Variants in PSMF1 observed in about 807,000 individuals in gnomAD.
PSMF1 encodes the protein proteasome inhibitor subunit 1, also known as proteasome inhibitor PI31 subunit.
PSMF1 carries 30 observed loss-of-function variants against 29.3 expected under a neutral mutation model. That is an observed-to-expected ratio of 1.02 (90% CI 0.77 to 1.39). The LOEUF is 1.39. Ranked by LOEUF, PSMF1 falls within the 40% of genes most tolerant of loss-of-function variation. PSMF1 has a pLI of 0.00. For missense variants in PSMF1, 344 were observed against 357.5 expected (o/e 0.96, Z 0.31); for synonymous variants, 134 against 139.7 (o/e 0.96, Z 0.29).
chr20:1,164,603 G>T lies in PSMF1; in HGVS notation c.764+127G>T. The T allele has an allele frequency of 1.5e-6, 2 of 1,294,700 alleles. No individual in the cohort carries two copies. The highest frequency in any genetic ancestry group is 1.4e-5 in the South Asian group (1 of 71,858). The allele number at this position is 1,294,700 out of a possible 1,614,324, so 80.2% of individuals were successfully genotyped here. A position where few individuals can be genotyped will look rare whatever the true frequency, so the allele number is the denominator to read the frequency against. On this transcript the variant is annotated intron_variant, in intron 6 of 6. Coordinates refer to ENST00000335877, the MANE Select transcript of PSMF1 (RefSeq NM_006814.5). This position sits in a 1 kb window ranked among gnomAD's most constrained non-coding sequence, Gnocchi z 4.1. ...GCCTTCACCTGTTGCTGCCAGGAGA[G>T]TGGAGCCTCCTCCAGGGCCCTGCCT...
chr20:1,125,422 G>A lies in PSMF1; in HGVS notation c.130-76G>A, dbSNP rs2086141424. 11 of 1,445,080 alleles carry A rather than the reference G, an allele frequency of 7.6e-6. No homozygotes were observed. The Admixed American group carries it at 2.7e-4, about 35-fold the overall frequency. The allele number at this position is 1,445,080 out of a possible 1,614,324, so 89.5% of individuals were successfully genotyped here. A position where few individuals can be genotyped will look rare whatever the true frequency, so the allele number is the denominator to read the frequency against. On this transcript the variant is annotated intron_variant, in intron 1 of 6. Coordinates refer to ENST00000335877, the MANE Select transcript of PSMF1 (RefSeq NM_006814.5). ...CTGTGAAGTGAGGTGGGTAAGATTAGCTTATCTCGTGAGGTTCTTTATAGT... is the reference window on the plus strand; with the variant it reads ...CTGTGAAGTGAGGTGGGTAAGATTAACTTATCTCGTGAGGTTCTTTATAGT...
At chr20:1,133,995 C>CTCTT (rs3034764) in intron 3 of PSMF1, among the ~76,000 whole-genome samples, 121,362 of 151,322 alleles carry the variant, frequency 0.8, 49,075 homozygotes, top group Non-Finnish European at 0.83. Context: ...TGTGTCCTCT[C>CTCTT]TTTGTATTTG....
rs898930881 is a variant in PSMF1 at position 1,171,139 on chromosome 20, C to A, written c.*6059C>A. On this transcript the variant is annotated 3_prime_UTR_variant, in exon 7 of 7. Coordinates refer to ENST00000335877, the MANE Select transcript of PSMF1 (RefSeq NM_006814.5). ...GAGAAAGGAGTGATGCTTCATAATC[C>A]CCAGGATGGTCTTAAGGCTCCTCAG... 6.6e-6 allele frequency among the ~76,000 whole-genome samples: 1 copy of A among 152,068 alleles called. No homozygotes were observed. The highest frequency in any genetic ancestry group is 2.4e-5 in the African/African-American group (1 of 41,402).
intron 4 of PSMF1, among the ~76,000 whole-genome samples, chr20:1,150,205 G>A (rs2122565323): frequency 6.6e-6 from 1 of 151,534 alleles, no homozygotes; most frequent in South Asian, 2.1e-4. Flanking sequence ...AGTGCTTTAT[G>A]CCCGTTTCCC....
At chr20:1,141,968 C>T (rs2086386098) in intron 4 of PSMF1, among the ~76,000 whole-genome samples, 1 of 152,202 alleles carries the variant, frequency 6.6e-6, no homozygotes, top group Non-Finnish European at 1.5e-5. Context: ...CCTGTAATCC[C>T]AGCACTTTGG....
chr20:1,122,511 G>A (rs985609812), intron 1 of PSMF1, among the ~76,000 whole-genome samples: 1 of 151,946 alleles, frequency 6.6e-6, no homozygotes, highest in Non-Finnish European at 1.5e-5. Context: ...TGTTTGCCAG[G>A]CTGGTCTCGA....
intron 4 of PSMF1, chr20:1,161,225 C>T (rs1038101376): frequency 1.6e-5 from 5 of 319,036 alleles, no homozygotes; most frequent in South Asian, 5.0e-5. Flanking sequence ...AGCAGTGCTG[C>T]GTCGCCCCGG....
At chr20:1,118,437 G>T, upstream of PSMF1, 1 of 227,816 alleles carries the variant, frequency 4.4e-6, no homozygotes. Context: ...CTTGGAGGAC[G>T]CTGTGCCCGC....
intron 3 of PSMF1, among the ~76,000 whole-genome samples, chr20:1,133,758 T>G (rs947360988): frequency 5.3e-5 from 8 of 151,246 alleles, no homozygotes; most frequent in African/African-American, 1.9e-4. Context: ...AGATTTTTGG[T>G]TTTTGTTTTT....
chr20:1,148,633 A>G (rs1018868122), intron 4 of PSMF1, among the ~76,000 whole-genome samples: 1 of 152,228 alleles, frequency 6.6e-6, no homozygotes, highest in African/African-American at 2.4e-5. Flanking sequence ...AGTGCCAAAC[A>G]TAACTCTTTT....
chr20:1,156,051 A>T (rs1218253455), intron 4 of PSMF1, among the ~76,000 whole-genome samples: 2 of 152,210 alleles, frequency 1.3e-5, no homozygotes, highest in Non-Finnish European at 2.9e-5. Context: ...ATGGAATGAT[A>T]GACAGGTCAG....
chr20:1,141,698 T>C (rs2086382689), intron 4 of PSMF1, among the ~76,000 whole-genome samples: 1 of 152,114 alleles, frequency 6.6e-6, no homozygotes, highest in Non-Finnish European at 1.5e-5. Context: ...AGAAAAAGAA[T>C]TATCATACAG....
At chr20:1,140,085 C>G (rs1043290134) in intron 4 of PSMF1, among the ~76,000 whole-genome samples, 6 of 152,148 alleles carry the variant, frequency 3.9e-5, no homozygotes, top group African/African-American at 1.4e-4. Flanking sequence ...GTTTTTCCCC[C>G]CCAGAAATTG....
At chr20:1,152,045 C>T (rs1341467462) in intron 4 of PSMF1, among the ~76,000 whole-genome samples, 6 of 152,004 alleles carry the variant, frequency 3.9e-5, no homozygotes, top group East Asian at 1.9e-4. Flanking sequence ...TGAAAAGTTA[C>T]GTGGTTGGGA....
At position 1,153,208 on chromosome 20, in the gene PSMF1, G is replaced by A. The variant is rs1052605711; in HGVS notation, c.552-9922G>A. On this transcript the variant is annotated intron_variant, in intron 4 of 6. Transcript: ENST00000335877. ...AGTGAGGAAAGTGTTTGCAGCATAT[G>A]TGTGCATCATAAATTGCCACAAATG... Among the ~76,000 whole-genome samples the A allele has an allele frequency of 2.6e-5, 4 of 152,286 alleles. No individual in the cohort carries two copies. In the South Asian group the frequency reaches 6.2e-4, roughly 24 times the overall value.
At chr20:1,127,307 T>C (rs2086170954) in intron 2 of PSMF1, 119 bp from the exon 3 acceptor site, 1 of 829,046 alleles carries the variant, frequency 1.2e-6, no homozygotes, top group East Asian at 2.4e-5. Flanking sequence ...TCCTTATATA[T>C]GTCTCTGTGG....
intron 3 of PSMF1, among the ~76,000 whole-genome samples, chr20:1,133,569 A>ATATATATATATATATATTTTTTTTTT: frequency 5.8e-4 from 31 of 53,280 alleles, no homozygotes; most frequent in Admixed American, 7.8e-4. Context: ...ATATATATAT[A>ATATATATATATATATATTTTTTTTTT]TTTTTTTTTT....
At chr20:1,128,898 C>T (rs1205290876) in intron 3 of PSMF1, among the ~76,000 whole-genome samples, 3 of 151,632 alleles carry the variant, frequency 2.0e-5, no homozygotes, top group Non-Finnish European at 4.4e-5. Context: ...TTTTTTGAGA[C>T]GGAGTCTTGC....
intron 3 of PSMF1, among the ~76,000 whole-genome samples, chr20:1,129,676 C>T (rs181637885): frequency 4.6e-5 from 7 of 152,300 alleles, no homozygotes; most frequent in African/African-American, 1.7e-4. Flanking sequence ...TCAGAATAAC[C>T]AGAAAATAAA....
Sources: gnomAD v4.1 joint callset for allele counts (sites outside exome capture counted in the v4.1 genomes callset) on GRCh38, gnomAD v4.1.1 for gene constraint, Gnocchi (gnomAD v3.1) non-coding constraint, MANE v1.5 for transcripts, NCBI Gene and HGNC (gene_info 2026-07-23, HGNC 2026-07-21) for gene names.